ZCWPW2: variants seen among roughly 807,000 people sequenced by gnomAD.
ZCWPW2 encodes zinc finger CW-type PWWP domain protein 2.
In ZCWPW2, 45 loss-of-function variants were observed where a neutral mutation model predicts 46.6. The observed-to-expected ratio is 0.96, with a 90% CI of 0.76 to 1.24. The LOEUF (loss-of-function observed/expected upper bound fraction) is 1.24, where lower values mean the gene tolerates loss of function less well. Among genes scored for constraint, ZCWPW2 ranks in the 50% most tolerant of loss-of-function variants. ZCWPW2 has a pLI of 0.00. For missense variants in ZCWPW2, 429 were observed against 403.9 expected, an observed-to-expected ratio of 1.06 and a Z score of -0.53; for synonymous variants, 152 against 137.1, an observed-to-expected ratio of 1.11 and a Z score of -0.76.
intron 1 of ZCWPW2, among the ~76,000 whole-genome samples, chr3:28,360,192 G>A (rs1399649762): frequency 6.6e-6 from 1 of 151,726 alleles, no homozygotes; most frequent in Non-Finnish European, 1.5e-5. Context: ...AGGAAGAAAA[G>A]TATTACTTCC....
At chr3:28,395,396 T>G (rs1208368983) in intron 2 of ZCWPW2, among the ~76,000 whole-genome samples, 1 of 152,164 alleles carries the variant, frequency 6.6e-6, no homozygotes, top group Non-Finnish European at 1.5e-5. Context: ...TCCAGCAATC[T>G]TACTTCAAAG....
intron 4 of ZCWPW2, among the ~76,000 whole-genome samples, chr3:28,446,677 G>T (rs999674556): frequency 2.0e-5 from 3 of 151,874 alleles, no homozygotes; most frequent in African/African-American, 7.2e-5. Context: ...GATAAGAGCA[G>T]AGATAAGATA....
chr3:28,391,994 G>T lies in ZCWPW2; in HGVS notation c.-14+1377G>T, dbSNP rs900012565. On this transcript the variant is annotated intron_variant, in intron 2 of 9. Coordinates refer to ENST00000383768, the MANE Select transcript of ZCWPW2 (RefSeq NM_001040432.4). ...CTATTTACCCATCAATAATTACATT[G>T]AATGTCAGTGGATCAAATTCTCCAA... Among the ~76,000 whole-genome samples, 64 of 152,150 alleles carry T rather than the reference G, an allele frequency of 4.2e-4. 1 individual carries two copies. Among genetic ancestry groups the T allele is most frequent in the Admixed American group, 4.1e-3 (62 of 15,272 alleles).
intron 1 of ZCWPW2, among the ~76,000 whole-genome samples, chr3:28,354,470 A>G (rs1487376781): frequency 7.1e-6 from 1 of 140,948 alleles, no homozygotes; most frequent in Non-Finnish European, 1.6e-5. Context: ...TCCAATCAAT[A>G]GAAAAAGAGG....
intron 4 of ZCWPW2, among the ~76,000 whole-genome samples, chr3:28,458,630 C>G (rs1345427430): frequency 1.3e-5 from 2 of 152,130 alleles, no homozygotes; most frequent in African/African-American, 2.4e-5. Flanking sequence ...TACTGTATGT[C>G]AACCTGCTTG....
chr3:28,392,985 G>C (rs1695555807), intron 2 of ZCWPW2, among the ~76,000 whole-genome samples: 1 of 151,754 alleles, frequency 6.6e-6, no homozygotes, highest in Admixed American at 6.6e-5. Context: ...TACTAGAAAA[G>C]ATCAAAGGAG....
Position 28,476,486 on chromosome 3 carries a change from C to A in ZCWPW2, c.493-2328C>A, listed in dbSNP as rs928849112. On this transcript the variant is annotated intron_variant, in intron 4 of 9. Coordinates refer to ENST00000383768, the MANE Select transcript of ZCWPW2 (RefSeq NM_001040432.4). ...CCTAAGTCATCAAAGTTTATTTTAG[C>A]TATATGGCACTGATTTTTCTCAAGA... Among the ~76,000 whole-genome samples, 15 of 152,136 alleles carry A rather than the reference C, an allele frequency of 9.9e-5. No homozygotes were observed. In the East Asian group the frequency reaches 1.4e-3, roughly 14 times the overall value.
At chr3:28,521,168 AC>A (rs1271538309) in intron 9 of ZCWPW2, 52 bp downstream of exon 9, 1 of 1,544,370 alleles carries the variant, frequency 6.5e-7, no homozygotes, top group Non-Finnish European at 8.7e-7. Context: ...AATTCTTTAA[AC>A]AGCAGAATTG....
At chr3:28,394,517 T>C (rs966611396) in intron 2 of ZCWPW2, among the ~76,000 whole-genome samples, 1 of 152,048 alleles carries the variant, frequency 6.6e-6, no homozygotes, top group Non-Finnish European at 1.5e-5. Flanking sequence ...TTTGAAATTA[T>C]ATTACAAAGC....
chr3:28,437,465 T>G (rs1697547526), intron 4 of ZCWPW2, among the ~76,000 whole-genome samples: 1 of 152,220 alleles, frequency 6.6e-6, no homozygotes, highest in South Asian at 2.1e-4. Context: ...AAATTTTTTT[T>G]GTTTTATTAT....
chr3:28,349,005 C>G lies in ZCWPW2; in HGVS notation c.-332C>G, dbSNP rs1463655456. ...CCGGAAAAGGGGCTGCCGCTGTCCG[C>G]GGGCTCGGCGCCAGGGACGCGCGAG... On this transcript the variant is annotated 5_prime_UTR_variant, in exon 1 of 10. Transcript: ENST00000383768. 2.0e-6 allele frequency: 2 copies of G among 985,774 alleles called. No individual in the cohort carries two copies. The highest frequency in any genetic ancestry group is 2.4e-6 in the Non-Finnish European group (2 of 830,348). 61.1% of individuals were successfully genotyped at this position (985,774 alleles called of 1,614,324 possible).
chr3:28,439,148 T>C (rs1187256232), intron 4 of ZCWPW2, among the ~76,000 whole-genome samples: 1 of 76,000 alleles, frequency 1.3e-5, no homozygotes, highest in Non-Finnish European at 3.0e-5. Flanking sequence ...AGGATGTGTA[T>C]ATATATATAT....
chr3:28,360,190 A>C (rs1704885417), intron 1 of ZCWPW2, among the ~76,000 whole-genome samples: 1 of 151,860 alleles, frequency 6.6e-6, no homozygotes, highest in South Asian at 2.1e-4. Flanking sequence ...TCAGGAAGAA[A>C]AGTATTACTT....
rs60381240 is a variant in ZCWPW2 at position 28,434,093 on chromosome 3, T to C, written c.333-1017T>C. ...TTTCTTAGTGCTAAATTTGTTTTTATTTACATTCACAATCAGGAATTTTTA... is the reference window on the plus strand; with the variant it reads ...TTTCTTAGTGCTAAATTTGTTTTTACTTACATTCACAATCAGGAATTTTTA... On this transcript the variant is annotated intron_variant, in intron 3 of 9. Coordinates refer to ENST00000383768, the MANE Select transcript of ZCWPW2 (RefSeq NM_001040432.4). Among the ~76,000 whole-genome samples, 1,045 of 152,278 alleles carry C rather than the reference T, an allele frequency of 6.9e-3. 10 individuals are homozygous for C. Among genetic ancestry groups the C allele is most frequent in the African/African-American group, 0.023 (943 of 41,560 alleles).
At chr3:28,360,522 G>GAAAA (rs745572155) in intron 1 of ZCWPW2, among the ~76,000 whole-genome samples, 1 of 122,954 alleles carries the variant, frequency 8.1e-6, no homozygotes, top group Non-Finnish European at 1.7e-5. Context: ...GACTTTGTCT[G>GAAAA]AAAAAAAAAA....
chr3:28,435,871 C>G (rs1697468324), intron 4 of ZCWPW2, among the ~76,000 whole-genome samples: 1 of 152,104 alleles, frequency 6.6e-6, no homozygotes, highest in Non-Finnish European at 1.5e-5. Flanking sequence ...TTAAGACTAT[C>G]ATTTGGTAGT....
At chr3:28,482,661 G>A (rs1304626766) in intron 5 of ZCWPW2, among the ~76,000 whole-genome samples, 1 of 152,160 alleles carries the variant, frequency 6.6e-6, no homozygotes. Context: ...ATCAATATTT[G>A]GTGGTGTCAG....
Position 28,406,826 on chromosome 3 carries a change from C to CT in ZCWPW2, c.-13-6213dup, listed in dbSNP as rs11337849. The stretch of plus-strand genomic sequence containing the variant: ...CATGGAATTTCCTTTTCTTTTTTTT[C>CT]TTTTTTTTTTTTTTTTTGACAGACA... On this transcript the variant is annotated intron_variant, in intron 2 of 9. Coordinates refer to ENST00000383768, the MANE Select transcript of ZCWPW2 (RefSeq NM_001040432.4). Among the ~76,000 whole-genome samples the CT allele has an allele frequency of 3.6e-3, 435 of 119,950 alleles. 6 individuals carry two copies. The highest frequency in any genetic ancestry group is 0.016 in the East Asian group (71 of 4,530). 78.7% of individuals were successfully genotyped at this position (119,950 alleles called of 152,430 possible). A position where few individuals can be genotyped will look rare whatever the true frequency, so the allele number is the denominator to read the frequency against.
intron 4 of ZCWPW2, among the ~76,000 whole-genome samples, chr3:28,466,512 C>T (rs1175922804): frequency 1.3e-5 from 2 of 152,098 alleles, no homozygotes; most frequent in African/African-American, 2.4e-5. Context: ...GAAAATAAAG[C>T]CCGAGACTGG....
Sources: gnomAD v4.1 joint callset for allele counts (sites outside exome capture counted in the v4.1 genomes callset) on GRCh38, gnomAD v4.1.1 for gene constraint, MANE v1.5 for transcripts, NCBI Gene and HGNC (gene_info 2026-07-23, HGNC 2026-07-21) for gene names.